The following HELQ variants were observed in gnomAD, a reference collection of about 807,000 sequenced individuals.
HELQ encodes the protein helicase, POLQ like.
In HELQ, 77 loss-of-function variants were observed where a neutral mutation model predicts 111.6. The ratio of observed to expected loss-of-function variants is 0.69; its 90% confidence interval spans 0.57 to 0.83. HELQ has a LOEUF of 0.83. HELQ is among the 40% of genes least tolerant of loss of function. The pLI is 0.00. For synonymous variants in HELQ, 438 were observed against 454.7 expected (o/e 0.96, Z 0.47); for missense variants, 1,200 against 1,288.5 (o/e 0.93, Z 1.05).
At chr4:83,416,095 T>C (rs1233161908) in intron 17 of HELQ, among the ~76,000 whole-genome samples, 6 of 150,210 alleles carry the variant, frequency 4.0e-5, no homozygotes, top group African/African-American at 1.5e-4. Context: ...TATAGGCGTG[T>C]GCCACCAAGT....
chr4:83,426,621 T>G (rs1169997056), intron 13 of HELQ, among the ~76,000 whole-genome samples: 2 of 151,836 alleles, frequency 1.3e-5, no homozygotes, highest in Non-Finnish European at 2.9e-5. Flanking sequence ...TGGAGTGCAG[T>G]GGCATGATCT....
chr4:83,432,977 T>C (rs1275146440), intron 9 of HELQ, among the ~76,000 whole-genome samples: 1 of 152,080 alleles, frequency 6.6e-6, no homozygotes, highest in Non-Finnish European at 1.5e-5. Flanking sequence ...GGAGGATCAC[T>C]TGAGCCTAGG....
At position 83,421,700 on chromosome 4, in the gene HELQ, A is replaced by T; in HGVS notation, c.2812T>A (p.Ser938Thr). Residue 938 changes from serine to threonine, a missense_variant, in exon 15 of 18, where the codon TCT becomes ACT. Ser to Thr is a moderately conservative substitution (Grantham distance 58). Coordinates refer to ENST00000295488, the MANE Select transcript of HELQ (RefSeq NM_133636.5). ...DKNVVNRLYL[S>T]FVLYTLLKET... ...TTGAGCAAGGTATAAAGAACAAAAG[A>T]CAGATATAGCCTGTTGACAACGTTC... 1 of 1,613,826 alleles carries T rather than the reference A, an allele frequency of 6.2e-7. No individual in the cohort carries two copies. Among genetic ancestry groups the T allele is most frequent in the Non-Finnish European group, 8.5e-7 (1 of 1,179,842 alleles).
Position 83,411,157 on chromosome 4 carries a change from C to CAAAA in HELQ, c.3199-3601_3199-3598dup, listed in dbSNP as rs35424076. ...TTGGAGTGAGAGGGAGACCTTGTCT[C>CAAAA]AAAAAAAAAAAAAAAAAAAAGAAAG... On this transcript the variant is annotated intron_variant, in intron 17 of 17. Transcript: ENST00000295488. Among the ~76,000 whole-genome samples, 21 of 66,950 alleles carry CAAAA rather than the reference C, an allele frequency of 3.1e-4. 1 individual carries two copies. The highest frequency in any genetic ancestry group is 5.7e-4 in the East Asian group (1 of 1,758). The allele number at this position is 66,950 out of a possible 152,430, so 43.9% of individuals were successfully genotyped here.
rs1295096005 is a variant in HELQ at position 83,453,965 on chromosome 4, G to A, written c.298-20C>T. The A allele has an allele frequency of 7.2e-6, 10 of 1,395,592 alleles. 1 individual carries two copies. Among genetic ancestry groups the A allele is most frequent in the Non-Finnish European group, 7.0e-6 (7 of 1,000,736 alleles). 86.5% of individuals were successfully genotyped at this position (1,395,592 alleles called of 1,614,324 possible). A position where few individuals can be genotyped will look rare whatever the true frequency, so the allele number is the denominator to read the frequency against. Reference sequence around the variant, plus strand: ...ATTAGGCTGCAAAGAGAACAAAAACGCTTATGGTCAATTCCAGTTTCATTA... The same window carrying A: ...ATTAGGCTGCAAAGAGAACAAAAACACTTATGGTCAATTCCAGTTTCATTA... On this transcript the variant is annotated intron_variant, in intron 1 of 17. Coordinates refer to ENST00000295488, the MANE Select transcript of HELQ (RefSeq NM_133636.5).
At chr4:83,438,434 G>A (rs1306419888) in intron 8 of HELQ, among the ~76,000 whole-genome samples, 2 of 152,234 alleles carry the variant, frequency 1.3e-5, no homozygotes, top group East Asian at 3.9e-4. Context: ...AACTAAGTGT[G>A]AAGTTTACTA....
In HELQ at chr4:83,426,063, AT is replaced by A; in HGVS notation, c.2705del (p.Asn902MetfsTer2). The A allele has an allele frequency of 6.8e-6, 11 of 1,609,812 alleles. No homozygotes were observed. Among genetic ancestry groups the A allele is most frequent in the Non-Finnish European group, 9.3e-6 (11 of 1,176,596 alleles). The stretch of plus-strand genomic sequence containing the variant: ...CAGAGACTCCAAGAATGGCAGCTAC[AT>A]TTTGTTCTGCTGGACTGAGTTGGCT... The part of the protein sequence containing the change: ...QFSQLSPAEQ[N>X]VAAILGVSES... On this transcript the variant is annotated frameshift_variant, in exon 14 of 18. Transcript: ENST00000295488. LOFTEE classifies it high-confidence loss of function.
intron 17 of HELQ, among the ~76,000 whole-genome samples, chr4:83,412,817 C>G (rs10016428): frequency 0.03 from 4,528 of 152,238 alleles, 245 homozygotes; most frequent in African/African-American, 0.1. Context: ...GAGCAAGACC[C>G]TGTCTCCAAA....
At chr4:83,416,236 C>A (rs1462987801) in intron 17 of HELQ, among the ~76,000 whole-genome samples, 1 of 151,870 alleles carries the variant, frequency 6.6e-6, no homozygotes, top group Non-Finnish European at 1.5e-5. Context: ...GCATGAGGCA[C>A]CATGCCTGGC....
intron 4 of HELQ, 103 bp from the exon 5 acceptor site, chr4:83,446,189 A>G (rs1475073095): frequency 2.6e-6 from 2 of 775,112 alleles, no homozygotes; most frequent in Admixed American, 2.1e-5. Flanking sequence ...AGAGTTGCTT[A>G]TAACTTTTAA....
intron 3 of HELQ, among the ~76,000 whole-genome samples, chr4:83,447,513 A>G (rs1325742620): frequency 1.3e-5 from 2 of 152,208 alleles, no homozygotes; most frequent in Non-Finnish European, 2.9e-5. Flanking sequence ...TTTGCAAAAT[A>G]AATGCAACTT....
intron 15 of HELQ, among the ~76,000 whole-genome samples, chr4:83,420,947 C>T (rs1739648251): frequency 6.6e-6 from 1 of 151,696 alleles, no homozygotes; most frequent in Non-Finnish European, 1.5e-5. Flanking sequence ...GCTGGGACCA[C>T]AGGCGTGTGC....
At chr4:83,432,414 T>G in intron 9 of HELQ, 147 bp from the exon 10 acceptor site, 2 of 485,630 alleles carry the variant, frequency 4.1e-6, no homozygotes, top group Non-Finnish European at 6.6e-6. Context: ...ATCTATGATT[T>G]CTTAGGTTTT....
chr4:83,427,790 G>A, intron 12 of HELQ, 70 bp from the exon 13 acceptor site: 3 of 1,148,706 alleles, frequency 2.6e-6, no homozygotes, highest in Non-Finnish European at 3.5e-6. Flanking sequence ...TTTAAATATT[G>A]TGTAGAAATT....
Position 83,453,715 on chromosome 4 carries a change from G to T in HELQ, c.528C>A (p.Asn176Lys). The part of the protein sequence containing the change: ...TELQTDKHTE[N>K]QSGYEGVTIE... ...TAGTGACACCTTCATATCCACTCTG[G>T]TTCTCTGTGTGCTTATCAGTTTGTA... The change falls in exon 2 of 18, where the codon AAC (asparagine) becomes AAA (lysine). Residue 176 changes from asparagine (N) to lysine (K), a missense_variant. Coordinates refer to ENST00000295488, the MANE Select transcript of HELQ (RefSeq NM_133636.5). 2.5e-6 allele frequency: 4 copies of T among 1,613,976 alleles called. No individual in the cohort carries two copies. The highest frequency in any genetic ancestry group is 3.4e-6 in the Non-Finnish European group (4 of 1,179,900).
chr4:83,455,427 G>A lies in HELQ; in HGVS notation c.267C>T (p.His89=), dbSNP rs1240948520. 3.1e-6 allele frequency: 5 copies of A among 1,613,790 alleles called. No individual in the cohort carries two copies. Among genetic ancestry groups the A allele is most frequent in the Admixed American group, 1.7e-5 (1 of 59,988 alleles). ...CTCCCACCCCTCTGTCAGTGGGCAT[G>A]TGACGTAGGAGGTCCGGGTTTGTAT... The part of the protein sequence containing the change: ...GGDTNPDLLR[H]MPTDRGVGDQ... The change falls in exon 1 of 18, where the codon CAC becomes CAT. Residue 89 remains histidine (H), a synonymous_variant. Transcript: ENST00000295488.
rs1378579737 is a variant in HELQ, at chr4:83,453,370, T to C, written c.873A>G (p.Lys291=). The change falls in exon 2 of 18, where the codon AAA becomes AAG. Residue 291 remains lysine, a synonymous_variant. Coordinates refer to ENST00000295488, the MANE Select transcript of HELQ (RefSeq NM_133636.5). ...TPIFSRSKQL[K]DTLLSEEINV... The stretch of plus-strand genomic sequence containing the variant: ...TAATTTCCTCAGATAGGAGAGTGTC[T>C]TTGAGCTGTTTACTTCTAGAAAATA... 1 of 1,609,864 alleles carries C rather than the reference T, an allele frequency of 6.2e-7. No homozygotes were observed. Among genetic ancestry groups the C allele is most frequent in the Non-Finnish European group, 8.5e-7 (1 of 1,179,096 alleles).
At chr4:83,441,861 C>A (rs950837492) in intron 6 of HELQ, among the ~76,000 whole-genome samples, 1 of 150,918 alleles carries the variant, frequency 6.6e-6, no homozygotes, top group African/African-American at 2.4e-5. Context: ...GCAGCCTCAA[C>A]CTCCAGGGCT....
At chr4:83,432,381 T>C in intron 9 of HELQ, 114 bp from the exon 10 acceptor site, 1 of 629,962 alleles carries the variant, frequency 1.6e-6, no homozygotes, top group African/African-American at 1.9e-5. Context: ...CACAAAATAA[T>C]AGGTAACTAG....
Sources: allele counts gnomAD v4.1 joint callset (sites outside exome capture counted in the v4.1 genomes callset), GRCh38; gene constraint gnomAD v4.1.1; transcripts MANE v1.5; gene names NCBI Gene and HGNC (gene_info 2026-07-23, HGNC 2026-07-21).